COQ8B: variants seen among roughly 807,000 people sequenced by gnomAD.
COQ8B encodes coenzyme Q8B.
A neutral mutation model predicts 62.0 loss-of-function variants in COQ8B; 44 were observed. That is an observed-to-expected ratio of 0.71 (90% CI 0.56 to 0.91). COQ8B has a LOEUF of 0.91. Ranked by LOEUF, COQ8B falls within the 40% of genes least tolerant of loss-of-function variation. The probability of loss-of-function intolerance (pLI) is 0.00; values close to 1 mark genes in which losing one functional copy is unlikely to be tolerated. For missense variants in COQ8B, 649 were observed against 731.6 expected, an observed-to-expected ratio of 0.89 and a Z score of 1.30; for synonymous variants, 252 against 289.9, an observed-to-expected ratio of 0.87 and a Z score of 1.33.
intron 1 of COQ8B, 185 bp from the exon 2 acceptor site, chr19:40,714,820 G>T: frequency 7.5e-7 from 1 of 1,341,128 alleles, no homozygotes; most frequent in East Asian, 3.0e-5. Context: ...CTTCCTGCAG[G>T]CCTCCCAAAA....
At position 40,703,742 on chromosome 19, in the gene COQ8B, G is replaced by C. The variant is rs772289112; in HGVS notation, c.690C>G (p.Asp230Glu). The C allele has an allele frequency of 6.2e-7, 1 of 1,614,046 alleles. No individual in the cohort carries two copies. The highest frequency in any genetic ancestry group is 8.5e-7 in the Non-Finnish European group (1 of 1,180,018). ...GGATCTTCACGGCCACCTCCGTCCC[G>C]TCCCTCAGCAGGCCCTGGTGCACCT... ...IGQVHQGLLRDGTEVAVKIQY... is the reference protein window; with the variant it reads ...IGQVHQGLLREGTEVAVKIQY... Residue 230 changes from aspartate (D) to glutamate (E), a missense_variant, in exon 8 of 15, where the codon GAC becomes GAG. Asp to Glu is a conservative substitution (Grantham distance 45). Transcript: ENST00000324464.
At chr19:40,709,214 G>A (rs2082122592) in intron 5 of COQ8B, among the ~76,000 whole-genome samples, 1 of 152,148 alleles carries the variant, frequency 6.6e-6, no homozygotes, top group Admixed American at 6.5e-5. Flanking sequence ...CATCTGCCAT[G>A]CAGTCCATAT....
chr19:40,715,228 T>C (rs901300585), intron 1 of COQ8B: 2 of 985,438 alleles, frequency 2.0e-6, no homozygotes, highest in Non-Finnish European at 2.4e-6. Context: ...GCCCTAGCGA[T>C]GGAGCCTGGA....
intron 12 of COQ8B, 61 bp downstream of exon 12, chr19:40,700,006 A>G (rs1351921059): frequency 6.7e-7 from 1 of 1,503,176 alleles, no homozygotes; most frequent in Non-Finnish European, 9.3e-7. Flanking sequence ...AGCTACCGAA[A>G]TATCAAGGAA....
chr19:40,696,310 T>A (rs901817862), intron 12 of COQ8B, among the ~76,000 whole-genome samples: 2 of 151,872 alleles, frequency 1.3e-5, no homozygotes, highest in Non-Finnish European at 2.9e-5. Flanking sequence ...CAGAGAATAA[T>A]AAAAGATATA....
intron 5 of COQ8B, among the ~76,000 whole-genome samples, chr19:40,706,670 G>T (rs77317380): frequency 0.018 from 2,809 of 152,236 alleles, 82 homozygotes; most frequent in African/African-American, 0.063. Context: ...ATGTCACTCA[G>T]ACTGGTCTCA....
At chr19:40,714,709 G>A (rs1407731764) in intron 1 of COQ8B, 74 bp from the exon 2 acceptor site, 1 of 1,401,128 alleles carries the variant, frequency 7.1e-7, no homozygotes, top group Non-Finnish European at 9.7e-7. Flanking sequence ...GTTCCTCTGT[G>A]TCCACCCTCT....
rs1217559171 is a variant in COQ8B, at chr19:40,703,626, T to C, written c.718-4A>G. 9 of 1,612,992 alleles carry C rather than the reference T, an allele frequency of 5.6e-6. No individual in the cohort carries two copies. Among genetic ancestry groups the C allele is most frequent in the Non-Finnish European group, 6.8e-6 (8 of 1,179,390 alleles). On this transcript the variant is annotated splice_polypyrimidine_tract_variant and splice_region_variant and intron_variant, in intron 8 of 14. Transcript: ENST00000324464. ...TGCTCTGGGCTATGCCGGGGTACTG[T>C]AAAGGGAGAAGGGAGGGAGAGAAGG...
chr19:40,703,885 T>C (rs748459010), intron 7 of COQ8B, 30 bp from the exon 8 acceptor site: 2 of 1,585,478 alleles, frequency 1.3e-6, no homozygotes, highest in Non-Finnish European at 1.7e-6. Flanking sequence ...CCATCATCAT[T>C]GTGGCAGAGT....
In COQ8B at chr19:40,692,163, G is replaced by A. The variant is rs368669658; in HGVS notation, c.1507C>T (p.Arg503Ter). The A allele has an allele frequency of 5.6e-6, 9 of 1,598,260 alleles. No individual in the cohort carries two copies. The highest frequency in any genetic ancestry group is 6.0e-6 in the Non-Finnish European group (7 of 1,172,444). The stretch of plus-strand genomic sequence containing the variant: ...AGGTCCCTGCAGGCGATGTGGGCTC[G>A]GAGGTGGGCACAGGCCAGGAAAGCC... The part of the protein sequence containing the change: ...AGAFLACAHL[R>*]AHIACRDLFQ... The change falls in exon 15 of 15, where the codon CGA (arginine) becomes TGA (stop). Residue 503 changes from arginine to a stop codon, truncating the protein, a stop_gained. Transcript: ENST00000324464. LOFTEE classifies it low-confidence loss of function (END_TRUNC).
At chr19:40,700,606 G>T in intron 10 of COQ8B, 155 bp from the exon 11 acceptor site, 1 of 886,038 alleles carries the variant, frequency 1.1e-6, no homozygotes, top group Non-Finnish European at 1.7e-6. Flanking sequence ...CCTGGGTGAT[G>T]ACCAACACCT....
At chr19:40,702,292 G>A (rs575677382) in intron 10 of COQ8B, among the ~76,000 whole-genome samples, 8 of 151,050 alleles carry the variant, frequency 5.3e-5, no homozygotes, top group South Asian at 2.1e-4. Flanking sequence ...CTTGCTCTCC[G>A]TCAGTCCAGC....
chr19:40,704,071 GCCTGTGTCC>G (rs1476482921), intron 7 of COQ8B: 3 of 570,442 alleles, frequency 5.3e-6, no homozygotes, highest in East Asian at 3.2e-5. Context: ...GCTCAGCCTA[GCCTGTGTCC>G]CCTGAACCTG....
In COQ8B at chr19:40,691,895, G is replaced by A. The variant is rs182545857; in HGVS notation, c.*140C>T. 94 of 760,254 alleles carry A rather than the reference G, an allele frequency of 1.2e-4. No homozygotes were observed. The East Asian group carries it at 1.5e-3, about 12-fold the overall frequency. 47.1% of individuals were successfully genotyped at this position (760,254 alleles called of 1,614,324 possible). A position where few individuals can be genotyped will look rare whatever the true frequency, so the allele number is the denominator to read the frequency against. On this transcript the variant is annotated 3_prime_UTR_variant, in exon 15 of 15. Transcript: ENST00000324464. Reference sequence around the variant, plus strand: ...AGTTCCCCAGCCCCAGGGATCCTGAGCTCCTGGGCCAAGGAGGAGAGCCAG... The same window carrying A: ...AGTTCCCCAGCCCCAGGGATCCTGAACTCCTGGGCCAAGGAGGAGAGCCAG...
At chr19:40,710,759 G>C (rs567181328) in intron 4 of COQ8B, among the ~76,000 whole-genome samples, 1 of 152,254 alleles carries the variant, frequency 6.6e-6, no homozygotes, top group East Asian at 1.9e-4. Context: ...CCCAAATTCT[G>C]ATTAAATTGG....
chr19:40,711,742 C>A (rs1001024978), intron 4 of COQ8B, among the ~76,000 whole-genome samples: 1 of 152,130 alleles, frequency 6.6e-6, no homozygotes, highest in Non-Finnish European at 1.5e-5. Context: ...TTTCTGTGTC[C>A]TTTCTACATG....
At chr19:40,702,508 C>A in intron 10 of COQ8B, 92 bp downstream of exon 10, 2 of 1,225,318 alleles carry the variant, frequency 1.6e-6, no homozygotes, top group South Asian at 2.4e-5. Context: ...TGCCCTACCC[C>A]ACAGCTCCAG....
intron 5 of COQ8B, among the ~76,000 whole-genome samples, chr19:40,707,684 A>T (rs1318251299): frequency 6.6e-6 from 1 of 152,004 alleles, no homozygotes; most frequent in Admixed American, 6.6e-5. Flanking sequence ...TGAACTCCTC[A>T]CCTCAGGTGA....
chr19:40,714,276 A>T lies in COQ8B; in HGVS notation c.222+2T>A. ...TTGCTGGGTGGGTGGGGGTAATGAT[A>T]CCTGGGGCCGGGGTGTCTTCCTGGG... On this transcript the variant is annotated splice_donor_variant, in intron 3 of 14. Transcript: ENST00000324464. LOFTEE classifies it high-confidence loss of function. 2 of 1,610,122 alleles carry T rather than the reference A, an allele frequency of 1.2e-6. No homozygotes were observed. The highest frequency in any genetic ancestry group is 1.7e-6 in the Non-Finnish European group (2 of 1,177,958).
Sources: gnomAD v4.1 joint callset for allele counts (sites outside exome capture counted in the v4.1 genomes callset) on GRCh38, gnomAD v4.1.1 for gene constraint, MANE v1.5 for transcripts, NCBI Gene and HGNC (gene_info 2026-07-23, HGNC 2026-07-21) for gene names.